Variants in SHC2 observed in about 807,000 individuals in gnomAD.
The protein encoded by SHC2 is SHC-transforming protein 2.
SHC2 carries 62 observed loss-of-function variants against 60.6 expected under a neutral mutation model. That is an observed-to-expected ratio of 1.02 (90% CI 0.83 to 1.26). The LOEUF (loss-of-function observed/expected upper bound fraction) is 1.26, where lower values mean the gene tolerates loss of function less well. SHC2 is among the 50% of genes most tolerant of loss of function. The probability of loss-of-function intolerance (pLI) is 0.00; values close to 1 mark genes in which losing one functional copy is unlikely to be tolerated. For missense variants in SHC2, 873 were observed against 822.2 expected (o/e 1.06, Z -0.76); for synonymous variants, 375 against 372.4 (o/e 1.01, Z -0.08).
chr19:434,597 A>T (rs1209105041), intron 8 of SHC2, 112 bp downstream of exon 8: 1 of 875,960 alleles, frequency 1.1e-6, no homozygotes. Flanking sequence ...TGAGTGAGAG[A>T]CCCTCCTCTA....
chr19:428,681 A>G (rs1974480834), intron 9 of SHC2, among the ~76,000 whole-genome samples: 2 of 152,216 alleles, frequency 1.3e-5, no homozygotes, highest in African/African-American at 4.8e-5. Flanking sequence ...GCAGACAGGT[A>G]TGAAAGAGAT....
intron 9 of SHC2, among the ~76,000 whole-genome samples, chr19:429,958 T>C (rs1160154795): frequency 1.6e-4 from 20 of 123,934 alleles, no homozygotes; most frequent in South Asian, 2.8e-4. Context: ...AGAAACCTAA[T>C]ACCATGTGGA....
At chr19:420,576 A>G (rs1974244601) in intron 11 of SHC2, among the ~76,000 whole-genome samples, 1 of 152,256 alleles carries the variant, frequency 6.6e-6, no homozygotes, top group Non-Finnish European at 1.5e-5. Flanking sequence ...GGAGATTACT[A>G]AATCTCATTG....
At position 422,390 on chromosome 19, in the gene SHC2, A is replaced by G; in HGVS notation, c.1376T>C (p.Leu459Pro). ...SVAAGVTAAP[L>P]PLEDQWPSPP... ...GCTGGGCCACTGGTCCTCCAAGGGAAGAGGGGCTGCTGTCACGCCTGCCGC... is the reference window on the plus strand; with the variant it reads ...GCTGGGCCACTGGTCCTCCAAGGGAGGAGGGGCTGCTGTCACGCCTGCCGC... The change falls in exon 11 of 13, where the codon CTT becomes CCT. Residue 459 changes from leucine (L) to proline (P), a missense_variant. Coordinates refer to ENST00000264554, the MANE Select transcript of SHC2 (RefSeq NM_012435.3). The surrounding 1 kb of genome is among the most constrained non-coding windows in gnomAD (Gnocchi z 5.0). 6.2e-7 allele frequency: 1 copy of G among 1,600,402 alleles called. No individual in the cohort carries two copies. The highest frequency in any genetic ancestry group is 8.5e-7 in the Non-Finnish European group (1 of 1,174,272).
rs954772579 is a variant in SHC2 at position 425,668 on chromosome 19, T to C, written c.1175-437A>G. Among the ~76,000 whole-genome samples the C allele has an allele frequency of 1.3e-5, 2 of 152,180 alleles. No homozygotes were observed. The highest frequency in any genetic ancestry group is 2.9e-5 in the Non-Finnish European group (2 of 68,020). ...AACATGACGCACGGAGGGTCACTTA[T>C]TCTGACTCAGTTCTATTTCAGGATT... On this transcript the variant is annotated intron_variant, in intron 9 of 12. Coordinates refer to ENST00000264554, the MANE Select transcript of SHC2 (RefSeq NM_012435.3). The surrounding 1 kb of genome is among the most constrained non-coding windows in gnomAD (Gnocchi z 4.1).
In SHC2 at chr19:441,726, TAGAC is replaced by T. The variant is rs1488217186; in HGVS notation, c.469-798_469-795del. ...CTGGGGTCATGAGAAATTCTGGAAT[TAGAC>T]AGAAGGGGTGGTGGCACGATATTAT... On this transcript the variant is annotated intron_variant, in intron 1 of 12. Transcript: ENST00000264554. This position sits in a 1 kb window ranked among gnomAD's most constrained non-coding sequence, Gnocchi z 4.9. 2.0e-5 allele frequency among the ~76,000 whole-genome samples: 3 copies of T among 152,220 alleles called. No individual in the cohort carries two copies. Among genetic ancestry groups the T allele is most frequent in the Non-Finnish European group, 4.4e-5 (3 of 68,046 alleles).
chr19:443,740 GGATGGACGGATGGTTGGATGGGTGGACA>G (rs1974975315), intron 1 of SHC2, among the ~76,000 whole-genome samples: 2 of 150,832 alleles, frequency 1.3e-5, no homozygotes, highest in Non-Finnish European at 3.0e-5. Context: ...GTGGGTGGAT[GGATGGACGGATGGTTGGATGGGTGGACA>G]GATGGGTGGA....
intron 1 of SHC2, among the ~76,000 whole-genome samples, chr19:447,741 GC>G (rs1975084960): frequency 1.3e-5 from 2 of 151,894 alleles, no homozygotes; most frequent in South Asian, 4.1e-4. Flanking sequence ...TCGCACCACT[GC>G]ACTCCAGCCT....
chr19:424,840 CTAGAGAGA>C lies in SHC2; in HGVS notation c.1309+249_1309+256del, dbSNP rs1974368819. 6.6e-6 allele frequency among the ~76,000 whole-genome samples: 1 copy of C among 152,154 alleles called. No homozygotes were observed. The highest frequency in any genetic ancestry group is 2.4e-5 in the African/African-American group (1 of 41,442). Reference sequence around the variant, plus strand: ...CCATTACACTGCTCGGCCGCATTCGCTAGAGAGAATGGGCCTCCCCTGTCAGACTGGCC... The same window carrying C: ...CCATTACACTGCTCGGCCGCATTCGCATGGGCCTCCCCTGTCAGACTGGCC... On this transcript the variant is annotated intron_variant, in intron 10 of 12. Coordinates refer to ENST00000264554, the MANE Select transcript of SHC2 (RefSeq NM_012435.3). This position sits in a 1 kb window ranked among gnomAD's most constrained non-coding sequence, Gnocchi z 4.5.
rs201338564 is a variant in SHC2 at position 422,191 on chromosome 19, G to A, written c.1575C>T (p.His525=). The A allele has an allele frequency of 1.7e-4, 268 of 1,612,470 alleles. No individual in the cohort carries two copies. The highest frequency in any genetic ancestry group is 3.3e-4 in the Middle Eastern group (2 of 6,056). The change falls in exon 11 of 13, where the codon CAC becomes CAT. Residue 525 remains histidine, a synonymous_variant. Coordinates refer to ENST00000264554, the MANE Select transcript of SHC2 (RefSeq NM_012435.3). The surrounding 1 kb of genome is among the most constrained non-coding windows in gnomAD (Gnocchi z 5.0). The part of the protein sequence containing the change: ...NPGQYVLTGM[H]AGQPKHLLLV... ...GCAGCAGGTGCTTGGGCTGCCCGGC[G>A]TGCATGCCGGTGAGGACATACTGCC...
In SHC2 at chr19:441,457, A is replaced by G. The variant is rs12463385; in HGVS notation, c.469-525T>C. Reference sequence around the variant, plus strand: ...GGAATTCACCATCTCAATGACTGATAATACTGAGGGACGAGAGGGGCAGAG... The same window carrying G: ...GGAATTCACCATCTCAATGACTGATGATACTGAGGGACGAGAGGGGCAGAG... On this transcript the variant is annotated intron_variant, in intron 1 of 12. Coordinates refer to ENST00000264554, the MANE Select transcript of SHC2 (RefSeq NM_012435.3). This position sits in a 1 kb window ranked among gnomAD's most constrained non-coding sequence, Gnocchi z 4.9. Among the ~76,000 whole-genome samples the G allele has an allele frequency of 0.23, 35,658 of 152,088 alleles. 9,695 individuals are homozygous for G. Among genetic ancestry groups the G allele is most frequent in the African/African-American group, 0.65 (26,772 of 41,470 alleles).
Position 441,025 on chromosome 19 carries a change from C to G in SHC2, c.469-93G>C. 1 of 1,536,932 alleles carries G rather than the reference C, an allele frequency of 6.5e-7. No homozygotes were observed. Among genetic ancestry groups the G allele is most frequent in the South Asian group, 1.1e-5 (1 of 87,230 alleles). ...GCAGCCCTTCGCCGCCTCCACCACC[C>G]CTGGGGTCGAGCCCTTTCCTCTGTC... On this transcript the variant is annotated intron_variant, in intron 1 of 12. Coordinates refer to ENST00000264554, the MANE Select transcript of SHC2 (RefSeq NM_012435.3). This position sits in a 1 kb window ranked among gnomAD's most constrained non-coding sequence, Gnocchi z 4.9.
chr19:449,590 C>T (rs1365744325), intron 1 of SHC2, among the ~76,000 whole-genome samples: 2 of 151,972 alleles, frequency 1.3e-5, no homozygotes, highest in Non-Finnish European at 2.9e-5. Flanking sequence ...AGGGGTATCA[C>T]GGCTGCAGAC....
chr19:430,608 G>C (rs1271080847), intron 9 of SHC2, 76 bp downstream of exon 9: 4 of 1,163,548 alleles, frequency 3.4e-6, no homozygotes, highest in Non-Finnish European at 5.0e-6. Flanking sequence ...AAAGACTGAG[G>C]GGGAGCCAGC....
At chr19:427,451 G>A (rs887274007) in intron 9 of SHC2, among the ~76,000 whole-genome samples, 3 of 152,208 alleles carry the variant, frequency 2.0e-5, no homozygotes, top group African/African-American at 7.2e-5. Context: ...AATGGCTTGG[G>A]TAAGGGGGAA....
intron 7 of SHC2, 124 bp from the exon 8 acceptor site, chr19:434,989 G>A: frequency 9.9e-7 from 1 of 1,014,762 alleles, no homozygotes; most frequent in East Asian, 2.7e-5. Context: ...ACCTGTCACT[G>A]AGGGTTCCTA....
intron 1 of SHC2, among the ~76,000 whole-genome samples, chr19:452,379 T>C (rs1398711834): frequency 9.5e-6 from 1 of 105,534 alleles, no homozygotes. Context: ...GGGGAATTCC[T>C]GCGTAGGTGT....
At chr19:449,099 T>G (rs1600317256) in intron 1 of SHC2, among the ~76,000 whole-genome samples, 1 of 151,130 alleles carries the variant, frequency 6.6e-6, no homozygotes. Flanking sequence ...ACGCAGGAGG[T>G]GGAGGTTGCC....
chr19:460,545 AC>A lies in SHC2; in HGVS notation c.451del (p.Val151SerfsTer28), dbSNP rs1178405336. ...HPDARVLGPG[V>X]SYVVRYMGCI... is the part of the protein sequence containing the mutation. ...GGGACTCACCCGCACGACGTAGGAG[AC>A]CCCGGGCCCCAGGACCCTGGCGTCG... is the stretch of plus-strand genomic sequence containing the variant. On this transcript the variant is annotated frameshift_variant, in exon 1 of 13. Transcript: ENST00000264554. LOFTEE classifies it high-confidence loss of function. 7 of 1,381,686 alleles carry A rather than the reference AC, an allele frequency of 5.1e-6. No homozygotes were observed. The highest frequency in any genetic ancestry group is 1.5e-5 in the South Asian group (1 of 65,790). 85.6% of individuals were successfully genotyped at this position (1,381,686 alleles called of 1,614,324 possible).
Sources: gnomAD v4.1 joint callset for allele counts (sites outside exome capture counted in the v4.1 genomes callset) on GRCh38, gnomAD v4.1.1 for gene constraint, Gnocchi (gnomAD v3.1) non-coding constraint, MANE v1.5 for transcripts, NCBI Gene and HGNC (gene_info 2026-07-23, HGNC 2026-07-21) for gene names.